The following EIF4G3 variants were observed in gnomAD, a reference collection of about 807,000 sequenced individuals.
EIF4G3 encodes the protein eIF-4-gamma 3.
EIF4G3 carries 34 observed loss-of-function variants against 186.4 expected under a neutral mutation model. The ratio of observed to expected loss-of-function variants is 0.18; its 90% confidence interval spans 0.14 to 0.24. EIF4G3 has a LOEUF of 0.24. EIF4G3 is among the 10% of genes least tolerant of loss of function. The pLI is 1.00. For synonymous variants in EIF4G3, 673 were observed against 679.5 expected (o/e 0.99, Z 0.15); for missense variants, 1,536 against 1,948.5 (o/e 0.79, Z 3.99).
chr1:21,147,899 A>T (rs12731510), intron 2 of EIF4G3, among the ~76,000 whole-genome samples: 4,182 of 152,292 alleles, frequency 0.027, 87 homozygotes, highest in Non-Finnish European at 0.038. Flanking sequence ...AAAACAATTT[A>T]AAAATGTAGC....
intron 14 of EIF4G3, among the ~76,000 whole-genome samples, chr1:20,916,475 A>C (rs2093886492): frequency 6.6e-6 from 1 of 152,008 alleles, no homozygotes; most frequent in African/African-American, 2.4e-5. Context: ...AAAAACAAAA[A>C]ACAAAAGCAA....
chr1:20,980,507 T>C, intron 9 of EIF4G3, 59 bp from the exon 10 acceptor site: 1 of 1,112,352 alleles, frequency 9.0e-7, no homozygotes, highest in Non-Finnish European at 1.2e-6. Flanking sequence ...GCGAAAAACA[T>C]AATAAAATAA....
intron 3 of EIF4G3, among the ~76,000 whole-genome samples, chr1:21,052,767 G>T (rs1216046985): frequency 1.3e-5 from 2 of 152,232 alleles, no homozygotes; most frequent in Non-Finnish European, 2.9e-5. Context: ...TTTTTTGGTG[G>T]AGACGGGGTT....
rs777307413 is a variant in EIF4G3, at chr1:20,864,464, T to C, written c.3006+12A>G. The C allele has an allele frequency of 3.1e-6, 5 of 1,608,420 alleles. No individual in the cohort carries two copies. Among genetic ancestry groups the C allele is most frequent in the Non-Finnish European group, 3.4e-6 (4 of 1,176,136 alleles). ...AGCCTTTGCGAAGGTTTCTGAGCTT[T>C]TGGATTTTTACCTTTGCTTTTTCAA... On this transcript the variant is annotated intron_variant, in intron 22 of 36. Transcript: ENST00000602326.
In EIF4G3 at chr1:21,002,797, G is replaced by A. The variant is rs1435567328; in HGVS notation, c.-55C>T. ...TGGTTGGACCTGCATTCTGTCCAGA[G>A]GGATAAGGGGTCTGTCAAAAAATGG... On this transcript the variant is annotated 5_prime_UTR_variant, in exon 5 of 37. Transcript: ENST00000602326. 6.3e-7 allele frequency: 1 copy of A among 1,587,454 alleles called. No individual in the cohort carries two copies. Among genetic ancestry groups the A allele is most frequent in the African/African-American group, 1.3e-5 (1 of 74,110 alleles).
chr1:21,069,765 CG>C (rs1050841207), intron 3 of EIF4G3, among the ~76,000 whole-genome samples: 1 of 151,924 alleles, frequency 6.6e-6, no homozygotes. Context: ...GAATTTTTAC[CG>C]GGGGAGAGGA....
intron 14 of EIF4G3, chr1:20,929,592 G>A (rs1261330654): frequency 6.6e-6 from 1 of 152,172 alleles, no homozygotes; most frequent in Non-Finnish European, 1.5e-5. Context: ...CTTAATACAA[G>A]CTGAAAATAG....
chr1:20,937,348 T>G (rs1433778955), intron 14 of EIF4G3, among the ~76,000 whole-genome samples: 1 of 152,218 alleles, frequency 6.6e-6, no homozygotes, highest in East Asian at 1.9e-4. Context: ...TTTAGGACAT[T>G]AAACCCAGAT....
chr1:20,850,775 A>T (rs889985071), intron 28 of EIF4G3, among the ~76,000 whole-genome samples: 11 of 152,250 alleles, frequency 7.2e-5, no homozygotes, highest in Non-Finnish European at 1.6e-4. Context: ...TTTTTAGAGC[A>T]TTATCCGAGC....
intron 4 of EIF4G3, among the ~76,000 whole-genome samples, chr1:21,032,712 T>C (rs952967512): frequency 7.2e-5 from 11 of 152,156 alleles, no homozygotes; most frequent in Non-Finnish European, 1.5e-5. Context: ...GCAATACCAA[T>C]GGATCAGATG....
chr1:21,063,896 T>C lies in EIF4G3; in HGVS notation c.-195-12902A>G, dbSNP rs2095086310. ...AGCTAATTTTTTTTTTTTTTTTTGG[T>C]ATTTTTATCACAGATGGGGTTTTGC... On this transcript the variant is annotated intron_variant, in intron 3 of 36. Transcript: ENST00000602326. Among the ~76,000 whole-genome samples, 3 of 130,994 alleles carry C rather than the reference T, an allele frequency of 2.3e-5. No individual in the cohort carries two copies. The South Asian group carries it at 7.0e-4, about 30-fold the overall frequency. The allele number at this position is 130,994 out of a possible 152,430, so 85.9% of individuals were successfully genotyped here. A position where few individuals can be genotyped will look rare whatever the true frequency, so the allele number is the denominator to read the frequency against.
At chr1:21,003,772 G>T in intron 4 of EIF4G3, 1 of 445,114 alleles carries the variant, frequency 2.2e-6, no homozygotes, top group Non-Finnish European at 4.4e-6. Context: ...CCTGCTCTCT[G>T]ATCATCAATG....
At chr1:21,007,538 C>CAAACAAACAAAAAAAA (rs1471121881) in intron 4 of EIF4G3, among the ~76,000 whole-genome samples, 3 of 58,488 alleles carry the variant, frequency 5.1e-5, no homozygotes, top group African/African-American at 1.5e-4. Flanking sequence ...AAAAAAAAAA[C>CAAACAAACAAAAAAAA]ACACTCAAAA....
intron 6 of EIF4G3, among the ~76,000 whole-genome samples, chr1:20,998,250 A>ACACAC (rs1390474346): frequency 8.8e-6 from 1 of 113,434 alleles, no homozygotes; most frequent in Non-Finnish European, 1.9e-5. Flanking sequence ...CACACACACA[A>ACACAC]GTTTAAGTTT....
At chr1:20,894,148 C>T (rs2087083309) in intron 17 of EIF4G3, among the ~76,000 whole-genome samples, 1 of 152,088 alleles carries the variant, frequency 6.6e-6, no homozygotes, top group African/African-American at 2.4e-5. Context: ...TTTAAAATTT[C>T]ACTGTCTGCC....
chr1:20,858,578 G>A (rs182642019), intron 24 of EIF4G3, among the ~76,000 whole-genome samples: 1 of 152,040 alleles, frequency 6.6e-6, no homozygotes, highest in African/African-American at 2.4e-5. Flanking sequence ...AAATTTATTT[G>A]ACAAATGATA....
intron 2 of EIF4G3, among the ~76,000 whole-genome samples, chr1:21,116,713 C>A (rs1355743025): frequency 2.0e-5 from 3 of 151,670 alleles, no homozygotes. Context: ...GTGGCGTGCA[C>A]CTGTAATCCC....
chr1:21,021,391 C>G (rs1238032316), intron 4 of EIF4G3, among the ~76,000 whole-genome samples: 1 of 152,216 alleles, frequency 6.6e-6, no homozygotes, highest in African/African-American at 2.4e-5. Context: ...ACTCAAATGT[C>G]AAAAAGAATA....
chr1:21,156,157 C>CA (rs2097658088), intron 2 of EIF4G3, among the ~76,000 whole-genome samples: 1 of 150,496 alleles, frequency 6.6e-6, no homozygotes, highest in South Asian at 2.1e-4. Context: ...AAAAAAAACT[C>CA]AAGAGCTTTC....
Sources: allele counts gnomAD v4.1 joint callset (sites outside exome capture counted in the v4.1 genomes callset), GRCh38; gene constraint gnomAD v4.1.1; transcripts MANE v1.5; gene names NCBI Gene and HGNC (gene_info 2026-07-23, HGNC 2026-07-21).